The following OSBPL3 variants were observed in gnomAD, a reference collection of about 807,000 sequenced individuals.
The protein encoded by OSBPL3 is oxysterol binding protein like 3.
Under a neutral mutation model 120.1 loss-of-function variants are expected in OSBPL3, and 65 were observed. That is an observed-to-expected ratio of 0.54 (90% CI 0.44 to 0.67). The LOEUF (loss-of-function observed/expected upper bound fraction) is 0.67, where lower values mean the gene tolerates loss of function less well. Ranked by LOEUF, OSBPL3 falls within the 30% of genes least tolerant of loss-of-function variation. OSBPL3 has a pLI of 0.00. For synonymous variants in OSBPL3, 416 were observed against 402.6 expected (o/e 1.03, Z -0.40); for missense variants, 1,004 against 1,082.1 (o/e 0.93, Z 1.01).
At chr7:24,943,150 G>A (rs925307990) in intron 1 of OSBPL3, among the ~76,000 whole-genome samples, 1 of 152,186 alleles carries the variant, frequency 6.6e-6, no homozygotes, top group Non-Finnish European at 1.5e-5. Flanking sequence ...ACTATAGTCT[G>A]TCCTGTCTAT....
intron 5 of OSBPL3, among the ~76,000 whole-genome samples, chr7:24,869,643 A>T (rs1801832346): frequency 6.6e-6 from 1 of 152,172 alleles, no homozygotes; most frequent in Admixed American, 6.5e-5. Flanking sequence ...TCCCACACCA[A>T]AACATCCAGC....
In OSBPL3 at chr7:24,824,851, T is replaced by G. The variant is rs1462934208; in HGVS notation, c.1885-4613A>C. Among the ~76,000 whole-genome samples, 3 of 152,214 alleles carry G rather than the reference T, an allele frequency of 2.0e-5. No homozygotes were observed. Among genetic ancestry groups the G allele is most frequent in the African/African-American group, 7.2e-5 (3 of 41,514 alleles). ...GGGCAGGACTCTAATAATGGAAACCTGTGGGGCTGAGAGAAGTTCGGAAGT... is the reference window on the plus strand; with the variant it reads ...GGGCAGGACTCTAATAATGGAAACCGGTGGGGCTGAGAGAAGTTCGGAAGT... On this transcript the variant is annotated intron_variant, in intron 16 of 22. Coordinates refer to ENST00000313367, the MANE Select transcript of OSBPL3 (RefSeq NM_015550.4). The surrounding 1 kb of genome is among the most constrained non-coding windows in gnomAD (Gnocchi z 4.9).
chr7:24,902,036 G>A (rs1025462379), intron 1 of OSBPL3, among the ~76,000 whole-genome samples: 3 of 152,182 alleles, frequency 2.0e-5, no homozygotes, highest in Admixed American at 1.3e-4. Flanking sequence ...TTACTAAGTT[G>A]CTTTAGGCAA....
rs912921078 is a variant in OSBPL3, at chr7:24,872,448, A to AGAGAGTGTGTGTGTGTGT, written c.97-380_97-379insACACACACACACACTCTC. Among the ~76,000 whole-genome samples, 3 of 144,890 alleles carry AGAGAGTGTGTGTGTGTGT rather than the reference A, an allele frequency of 2.1e-5. No homozygotes were observed. Among genetic ancestry groups the AGAGAGTGTGTGTGTGTGT allele is most frequent in the Admixed American group, 6.8e-5 (1 of 14,604 alleles). The stretch of plus-strand genomic sequence containing the variant: ...TCAGTCTGAATTTTAACCGAAAGAG[A>AGAGAGTGTGTGTGTGTGT]GTGTGTGTGTGTGTGTGTGTGTGTG... On this transcript the variant is annotated intron_variant, in intron 2 of 22. Coordinates refer to ENST00000313367, the MANE Select transcript of OSBPL3 (RefSeq NM_015550.4). This position sits in a 1 kb window ranked among gnomAD's most constrained non-coding sequence, Gnocchi z 4.1.
intron 19 of OSBPL3, among the ~76,000 whole-genome samples, chr7:24,814,095 T>A (rs562791051): frequency 2.6e-5 from 4 of 151,904 alleles, no homozygotes; most frequent in Admixed American, 6.6e-5. Flanking sequence ...CAGACGGTGA[T>A]AAGAACTCTG....
At position 24,938,785 on chromosome 7, in the gene OSBPL3, G is replaced by GTGTCTC. The variant is rs1554411353; in HGVS notation, c.-150+41100_-150+41101insGAGACA. The stretch of plus-strand genomic sequence containing the variant: ...ATAATGAGGTTTTGTTTTGATGTGT[G>GTGTCTC]TGTGTGTGTGTGTGTGTGTGTGTGT... On this transcript the variant is annotated intron_variant, in intron 1 of 22. Transcript: ENST00000313367. This position sits in a 1 kb window ranked among gnomAD's most constrained non-coding sequence, Gnocchi z 5.8. Among the ~76,000 whole-genome samples the GTGTCTC allele has an allele frequency of 1.6e-4, 16 of 100,364 alleles. No individual in the cohort carries two copies. The highest frequency in any genetic ancestry group is 4.1e-4 in the Admixed American group (4 of 9,776). The allele number at this position is 100,364 out of a possible 152,430, so 65.8% of individuals were successfully genotyped here. A position where few individuals can be genotyped will look rare whatever the true frequency, so the allele number is the denominator to read the frequency against.
intron 12 of OSBPL3, among the ~76,000 whole-genome samples, chr7:24,846,371 T>C (rs1177630021): frequency 2.0e-5 from 3 of 152,248 alleles, no homozygotes; most frequent in Non-Finnish European, 4.4e-5. Context: ...AGTTCTCTTG[T>C]TTCTCAAATG....
rs1457579042 is a variant in OSBPL3, at chr7:24,930,926, T to C, written c.-149-38305A>G. ...ATACATACATGGTAGAATGTGAAGA[T>C]GACTTTTTTAATTCCAAAAATTATT... On this transcript the variant is annotated intron_variant, in intron 1 of 22. Transcript: ENST00000313367. This position sits in a 1 kb window ranked among gnomAD's most constrained non-coding sequence, Gnocchi z 4.4. Among the ~76,000 whole-genome samples the C allele has an allele frequency of 2.0e-5, 3 of 152,228 alleles. No individual in the cohort carries two copies. Among genetic ancestry groups the C allele is most frequent in the Non-Finnish European group, 2.9e-5 (2 of 68,038 alleles).
At chr7:24,846,025 T>A (rs886084362) in intron 12 of OSBPL3, among the ~76,000 whole-genome samples, 1 of 152,230 alleles carries the variant, frequency 6.6e-6, no homozygotes, top group Non-Finnish European at 1.5e-5. Flanking sequence ...TAAATTTCTT[T>A]GAGCTGTGCC....
rs751795022 is a variant in OSBPL3 at position 24,834,748 on chromosome 7, A to G, written c.1496-12T>C. The G allele has an allele frequency of 2.5e-6, 4 of 1,588,146 alleles. No individual in the cohort carries two copies. The Admixed American group carries it at 7.3e-5, about 29-fold the overall frequency. ...ATCAAGGACAGGCCCTGAAAGGGAA[A>G]GAGGCCTGGTTGTCTCTATAAAGCT... On this transcript the variant is annotated splice_polypyrimidine_tract_variant and intron_variant, in intron 14 of 22. Coordinates refer to ENST00000313367, the MANE Select transcript of OSBPL3 (RefSeq NM_015550.4). This position sits in a 1 kb window ranked among gnomAD's most constrained non-coding sequence, Gnocchi z 5.2.
chr7:24,927,106 G>T (rs923209629), intron 1 of OSBPL3, among the ~76,000 whole-genome samples: 5 of 152,190 alleles, frequency 3.3e-5, no homozygotes, highest in African/African-American at 1.2e-4. Flanking sequence ...CTTTGACTCA[G>T]TTAGAAGCAA....
Position 24,863,510 on chromosome 7 carries a change from T to C in OSBPL3, c.763A>G (p.Ile255Val). 1.9e-6 allele frequency: 3 copies of C among 1,613,530 alleles called. No homozygotes were observed. The highest frequency in any genetic ancestry group is 2.5e-6 in the Non-Finnish European group (3 of 1,179,470). Residue 255 changes from isoleucine to valine, a missense_variant, in exon 8 of 23, where the codon ATC becomes GTC. Ile to Val is a conservative substitution (Grantham distance 29). Coordinates refer to ENST00000313367, the MANE Select transcript of OSBPL3 (RefSeq NM_015550.4). This position sits in a 1 kb window ranked among gnomAD's most constrained non-coding sequence, Gnocchi z 5.8. ...VLHRTYSAPAINAIQGGSFES... is the reference protein window; with the variant it reads ...VLHRTYSAPAVNAIQGGSFES... ...GTCCGGCTCACCTGGATGGCGTTGA[T>C]AGCTGGTGCCGAGTATGTCCGATGC...
rs1802045465 is a variant in OSBPL3 at position 24,871,119 on chromosome 7, CAA to C, written c.268-276_268-275del. On this transcript the variant is annotated intron_variant, in intron 4 of 22. Transcript: ENST00000313367. The surrounding 1 kb of genome is among the most constrained non-coding windows in gnomAD (Gnocchi z 4.8). ...TTTACACAGCCAGGATGTGAGGAAA[CAA>C]AAGAGTAAGCACCGTGGGTTGACTC... Among the ~76,000 whole-genome samples the C allele has an allele frequency of 2.6e-5, 4 of 152,314 alleles. No homozygotes were observed. In the South Asian group the frequency reaches 8.3e-4, roughly 32 times the overall value.
chr7:24,796,786 G>A lies in OSBPL3; in HGVS notation c.*3397C>T, dbSNP rs1791765875. On this transcript the variant is annotated 3_prime_UTR_variant, in exon 23 of 23. Transcript: ENST00000313367. The surrounding 1 kb of genome is among the most constrained non-coding windows in gnomAD (Gnocchi z 5.2). ...TCCCCAAAGTCTCTGAAAATGGTTT[G>A]CACTTTAGACTGTCATGATTTGCAG... The A allele has an allele frequency of 6.6e-6, 1 of 152,188 alleles. No individual in the cohort carries two copies. Among genetic ancestry groups the A allele is most frequent in the Non-Finnish European group, 1.5e-5 (1 of 68,042 alleles). 9.4% of individuals were successfully genotyped at this position (152,188 alleles called of 1,614,324 possible). A position where few individuals can be genotyped will look rare whatever the true frequency, so the allele number is the denominator to read the frequency against.
In OSBPL3 at chr7:24,965,999, T is replaced by G. The variant is rs1816334118; in HGVS notation, c.-150+13887A>C. ...AGAATGTTGTCTTGCCCTTGTTTCC[T>G]CCAAACCCCCTTCACATCCATTGAC... On this transcript the variant is annotated intron_variant, in intron 1 of 22. Coordinates refer to ENST00000313367, the MANE Select transcript of OSBPL3 (RefSeq NM_015550.4). The surrounding 1 kb of genome is among the most constrained non-coding windows in gnomAD (Gnocchi z 4.3). Among the ~76,000 whole-genome samples, 1 of 152,102 alleles carries G rather than the reference T, an allele frequency of 6.6e-6. No homozygotes were observed. The highest frequency in any genetic ancestry group is 2.1e-4 in the South Asian group (1 of 4,828).
chr7:24,868,913 T>C (rs1172488714), intron 5 of OSBPL3, among the ~76,000 whole-genome samples: 1 of 152,204 alleles, frequency 6.6e-6, no homozygotes, highest in Non-Finnish European at 1.5e-5. Context: ...AAGAGCACTT[T>C]ATTAAATAAC....
In OSBPL3 at chr7:24,808,838, G is replaced by A. The variant is rs986931017; in HGVS notation, c.2317+969C>T. ...GACGTGATATAAAGTCCCATTTGCT[G>A]CGGGATCTTAGGAAATGTTCCTGAG... On this transcript the variant is annotated intron_variant, in intron 20 of 22. Coordinates refer to ENST00000313367, the MANE Select transcript of OSBPL3 (RefSeq NM_015550.4). This position sits in a 1 kb window ranked among gnomAD's most constrained non-coding sequence, Gnocchi z 4.6. Among the ~76,000 whole-genome samples, 3 of 152,208 alleles carry A rather than the reference G, an allele frequency of 2.0e-5. No individual in the cohort carries two copies. Among genetic ancestry groups the A allele is most frequent in the Admixed American group, 2.0e-4 (3 of 15,270 alleles).
intron 12 of OSBPL3, among the ~76,000 whole-genome samples, chr7:24,844,822 A>T (rs1467080213): frequency 6.7e-6 from 1 of 149,956 alleles, no homozygotes; most frequent in East Asian, 2.0e-4. Flanking sequence ...GTATTTTCAT[A>T]TTAAAATATC....
chr7:24,890,990 C>A (rs1024022539), intron 2 of OSBPL3, among the ~76,000 whole-genome samples: 6 of 152,152 alleles, frequency 3.9e-5, no homozygotes, highest in African/African-American at 1.4e-4. Context: ...ATCATGTTCT[C>A]CCCCTTTATC....
Sources: gnomAD v4.1 joint callset for allele counts (sites outside exome capture counted in the v4.1 genomes callset) on GRCh38, gnomAD v4.1.1 for gene constraint, Gnocchi (gnomAD v3.1) non-coding constraint, MANE v1.5 for transcripts, NCBI Gene and HGNC (gene_info 2026-07-23, HGNC 2026-07-21) for gene names.